DLG2: variants seen among roughly 807,000 people sequenced by gnomAD.
The protein encoded by DLG2 is discs large MAGUK scaffold protein 2.
Under a neutral mutation model 132.5 loss-of-function variants are expected in DLG2, and 45 were observed. The ratio of observed to expected loss-of-function variants is 0.34; its 90% confidence interval spans 0.27 to 0.44. DLG2 has a LOEUF of 0.44. DLG2 is among the 20% of genes least tolerant of loss of function. The probability of loss-of-function intolerance (pLI) is 1.00; values close to 1 mark genes in which losing one functional copy is unlikely to be tolerated. For missense variants in DLG2, 1,045 were observed against 1,196.9 expected (o/e 0.87, Z 1.87); for synonymous variants, 424 against 419.6 (o/e 1.01, Z -0.13).
chr11:84,523,865 TTA>T (rs1413422529), intron 7 of DLG2, among the ~76,000 whole-genome samples: 1 of 152,094 alleles, frequency 6.6e-6, no homozygotes. Flanking sequence ...TTAAAACTTA[TTA>T]TGATTTTAAT....
rs1183859870 is a variant in DLG2 at position 84,983,413 on chromosome 11, C to T, written c.357+128248G>A. ...ATAGCAATCACTACAGTTCGGCTCT[C>T]AGGAAGCCACATCCTAGGAAAAGGG... On this transcript the variant is annotated intron_variant, in intron 6 of 27. Transcript: ENST00000376104. Among the ~76,000 whole-genome samples the T allele has an allele frequency of 3.3e-5, 5 of 152,190 alleles. No individual in the cohort carries two copies. The South Asian group carries it at 6.2e-4, about 19-fold the overall frequency.
At position 83,949,330 on chromosome 11, in the gene DLG2, G is replaced by A. The variant is rs573244088; in HGVS notation, c.1340+13555C>T. Among the ~76,000 whole-genome samples, 8 of 152,116 alleles carry A rather than the reference G, an allele frequency of 5.3e-5. No individual in the cohort carries two copies. The East Asian group carries it at 1.4e-3, about 26-fold the overall frequency. On this transcript the variant is annotated intron_variant, in intron 14 of 27. Coordinates refer to ENST00000376104, the MANE Select transcript of DLG2 (RefSeq NM_001142699.3). ...GTTGTATGTGATAACTACACAAATA[G>A]GTTTTAACTCTAATGATCTTTTCCC...
intron 3 of DLG2, among the ~76,000 whole-genome samples, chr11:85,414,813 T>C (rs2089672275): frequency 6.6e-6 from 1 of 151,914 alleles, no homozygotes; most frequent in Admixed American, 6.6e-5. Flanking sequence ...GATTGTGACA[T>C]TTTCCTGTTG....
chr11:84,650,901 A>ACTAT (rs1594886301), intron 6 of DLG2, among the ~76,000 whole-genome samples: 1 of 143,014 alleles, frequency 7.0e-6, no homozygotes, highest in Non-Finnish European at 1.5e-5. Context: ...ATATATATAT[A>ACTAT]AAATTTTTGT....
intron 3 of DLG2, among the ~76,000 whole-genome samples, chr11:85,508,395 C>T (rs1269227851): frequency 6.6e-6 from 1 of 152,068 alleles, no homozygotes; most frequent in Non-Finnish European, 1.5e-5. Flanking sequence ...CCTGATTAAC[C>T]CTATACCTCT....
intron 6 of DLG2, among the ~76,000 whole-genome samples, chr11:84,894,096 T>C (rs542401201): frequency 6.6e-6 from 1 of 152,286 alleles, no homozygotes; most frequent in East Asian, 1.9e-4. Flanking sequence ...TGCCATCCTT[T>C]CTTTGACTGA....
At chr11:84,839,635 C>T (rs1305482639) in intron 6 of DLG2, among the ~76,000 whole-genome samples, 2 of 152,012 alleles carry the variant, frequency 1.3e-5, no homozygotes, top group Non-Finnish European at 2.9e-5. Flanking sequence ...GGTACTAGTA[C>T]CAAAACAGTT....
intron 7 of DLG2, among the ~76,000 whole-genome samples, chr11:84,329,340 A>C (rs1454188919): frequency 6.6e-6 from 1 of 152,172 alleles, no homozygotes; most frequent in Non-Finnish European, 1.5e-5. Flanking sequence ...CTTGAATTGT[A>C]GTTCCCATAA....
chr11:84,475,682 C>T (rs770784568), intron 7 of DLG2, among the ~76,000 whole-genome samples: 12 of 152,062 alleles, frequency 7.9e-5, no homozygotes, highest in Admixed American at 6.6e-5. Flanking sequence ...GTTTAGAGAG[C>T]ATCACTGCAT....
chr11:85,350,440 T>C (rs2083198243), intron 3 of DLG2, among the ~76,000 whole-genome samples: 1 of 152,214 alleles, frequency 6.6e-6, no homozygotes, highest in South Asian at 2.1e-4. Context: ...ATTTTAGCTT[T>C]TGTTGCCATT....
Position 83,460,009 on chromosome 11 carries a change from A to G in DLG2, c.2822-85T>C, listed in dbSNP as rs1351987218. ...TCATCACTTACACATTGGAGGCTCA[A>G]ATCAGTAGCAGATGACTCATCAGGA... On this transcript the variant is annotated intron_variant, in intron 27 of 27. Transcript: ENST00000376104. The G allele has an allele frequency of 5.8e-6, 4 of 685,836 alleles. No homozygotes were observed. The African/African-American group carries it at 7.1e-5, about 12-fold the overall frequency. The allele number at this position is 685,836 out of a possible 1,614,324, so 42.5% of individuals were successfully genotyped here. A position where few individuals can be genotyped will look rare whatever the true frequency, so the allele number is the denominator to read the frequency against.
intron 6 of DLG2, among the ~76,000 whole-genome samples, chr11:85,110,674 CT>C (rs1213357391): frequency 6.6e-6 from 1 of 152,094 alleles, no homozygotes; most frequent in Non-Finnish European, 1.5e-5. Flanking sequence ...AAAGCTTAAT[CT>C]CTTACACAAT....
At chr11:83,489,030 A>AAGAT (rs1358206999) in intron 21 of DLG2, among the ~76,000 whole-genome samples, 1 of 152,064 alleles carries the variant, frequency 6.6e-6, no homozygotes, top group Non-Finnish European at 1.5e-5. Flanking sequence ...TAATTAAAAA[A>AAGAT]AGATTACTTC....
At chr11:83,937,011 T>C (rs2081584431) in intron 14 of DLG2, among the ~76,000 whole-genome samples, 1 of 152,208 alleles carries the variant, frequency 6.6e-6, no homozygotes, top group African/African-American at 2.4e-5. Context: ...TGTCCTATAC[T>C]AGTGTTTAAA....
At chr11:84,122,405 G>A (rs143644060) in intron 9 of DLG2, among the ~76,000 whole-genome samples, 1 of 152,302 alleles carries the variant, frequency 6.6e-6, no homozygotes, top group African/African-American at 2.4e-5. Flanking sequence ...GAGAGGACAT[G>A]TCAATGTCCC....
intron 6 of DLG2, among the ~76,000 whole-genome samples, chr11:84,919,832 G>C (rs1188668701): frequency 1.3e-5 from 2 of 152,106 alleles, no homozygotes; most frequent in African/African-American, 4.8e-5. Context: ...TCATTAAAGA[G>C]GCACTTTTCC....
chr11:83,946,092 C>T (rs115629247), intron 14 of DLG2, among the ~76,000 whole-genome samples: 2 of 151,038 alleles, frequency 1.3e-5, no homozygotes, highest in South Asian at 2.1e-4. Flanking sequence ...CAGGTTCTAG[C>T]AATTCTCCTG....
At chr11:84,641,972 T>C (rs886313306) in intron 6 of DLG2, among the ~76,000 whole-genome samples, 59 of 150,056 alleles carry the variant, frequency 3.9e-4, no homozygotes, top group African/African-American at 1.4e-3. Flanking sequence ...TGTATATATA[T>C]GTATGCATGT....
chr11:84,259,818 C>T (rs556397693), intron 7 of DLG2, among the ~76,000 whole-genome samples: 2 of 152,088 alleles, frequency 1.3e-5, no homozygotes, highest in Non-Finnish European at 2.9e-5. Context: ...AAGTAACTCG[C>T]CCAAGGTCAT....
Sources: gnomAD v4.1 joint callset for allele counts (sites outside exome capture counted in the v4.1 genomes callset) on GRCh38, gnomAD v4.1.1 for gene constraint, MANE v1.5 for transcripts, NCBI Gene and HGNC (gene_info 2026-07-23, HGNC 2026-07-21) for gene names.